The following PDE1A variants were observed in gnomAD, a reference collection of about 807,000 sequenced individuals.
PDE1A encodes dual specificity calcium/calmodulin-dependent 3',5'-cyclic nucleotide phosphodiesterase 1A.
In PDE1A, 35 loss-of-function variants were observed where a neutral mutation model predicts 61.7. The ratio of observed to expected loss-of-function variants is 0.57; its 90% CI spans 0.43 to 0.75. The LOEUF (loss-of-function observed/expected upper bound fraction) is 0.75. PDE1A is among the 30% of genes least tolerant of loss of function. The pLI is 0.00. For missense variants in PDE1A, 597 were observed against 630.6 expected (o/e 0.95, Z 0.57); for synonymous variants, 232 against 213.2 (o/e 1.09, Z -0.77).
At chr2:182,375,211 C>T (rs1415408824) in intron 1 of PDE1A, among the ~76,000 whole-genome samples, 1 of 152,144 alleles carries the variant, frequency 6.6e-6, no homozygotes, top group Non-Finnish European at 1.5e-5. Context: ...ATCATGCCTT[C>T]CCAGCAGTAC....
chr2:182,359,231 T>A (rs952205496), intron 1 of PDE1A, among the ~76,000 whole-genome samples: 1 of 152,186 alleles, frequency 6.6e-6, no homozygotes, highest in Non-Finnish European at 1.5e-5. Context: ...TTGAAACTGA[T>A]AATAACCAGA....
chr2:182,164,051 C>T (rs1249348748), downstream of PDE1A, among the ~76,000 whole-genome samples: 3 of 151,920 alleles, frequency 2.0e-5, no homozygotes, highest in East Asian at 3.9e-4. Context: ...GAATGCTTGG[C>T]CTTGGGCCAG....
chr2:182,509,281 T>A (rs1348441178), intron 2 of PDE1A, among the ~76,000 whole-genome samples: 1 of 152,146 alleles, frequency 6.6e-6, no homozygotes, highest in East Asian at 1.9e-4. Flanking sequence ...TAAATTAATT[T>A]AAAAGGTAAT....
chr2:182,716,071 C>T, the PDE1A span: 5 of 152,410 alleles, frequency 3.3e-5, no homozygotes, highest in African/African-American at 7.2e-5. Context: ...GCTGCTTGGC[C>T]AGGGCAGTTC....
rs57707793 is a variant in PDE1A at position 182,498,045 on chromosome 2, C to CAAAAA, written c.101+24226_101+24230dup. ...TGTGCGACAGAGCGAGATTGCGTCT[C>CAAAAA]AAAAAAAAAAAAAAAAAAAAAAAAA... On this transcript the variant is annotated intron_variant, in intron 2 of 14. Transcript: ENST00000410103. Among the ~76,000 whole-genome samples, 70 of 64,314 alleles carry CAAAAA rather than the reference C, an allele frequency of 1.1e-3. 4 individuals carry two copies. The highest frequency in any genetic ancestry group is 4.1e-3 in the African/African-American group (68 of 16,658). 42.2% of individuals were successfully genotyped at this position (64,314 alleles called of 152,430 possible). A position where few individuals can be genotyped will look rare whatever the true frequency, so the allele number is the denominator to read the frequency against.
intron 1 of PDE1A, among the ~76,000 whole-genome samples, chr2:182,367,552 T>C (rs995776456): frequency 6.6e-6 from 1 of 152,044 alleles, no homozygotes; most frequent in Non-Finnish European, 1.5e-5. Flanking sequence ...ACAAAAGAAC[T>C]TCCTTACAAC....
chr2:182,657,595 C>T, the PDE1A span, among the ~76,000 whole-genome samples: 5,542 of 152,206 alleles, frequency 0.036, 124 homozygotes, highest in Non-Finnish European at 0.054. Context: ...AGCTGTAGAG[C>T]TTCTGTGACA....
intron 1 of PDE1A, among the ~76,000 whole-genome samples, chr2:182,293,658 A>T (rs1034210804): frequency 3.9e-5 from 6 of 152,210 alleles, no homozygotes; most frequent in Admixed American, 1.3e-4. Flanking sequence ...AACACAGCCT[A>T]CATGTGATGA....
At chr2:182,662,924 C>T in the PDE1A span, among the ~76,000 whole-genome samples, 2 of 152,206 alleles carry the variant, frequency 1.3e-5, no homozygotes, top group African/African-American at 4.8e-5. Flanking sequence ...ATTTTGCAAA[C>T]TATGCATCTG....
intron 13 of PDE1A, among the ~76,000 whole-genome samples, chr2:182,184,376 T>C (rs1685038131): frequency 1.3e-5 from 2 of 152,022 alleles, no homozygotes; most frequent in African/African-American, 4.8e-5. Flanking sequence ...ACAATACAAT[T>C]TATTTTTGGC....
chr2:182,690,359 G>T, the PDE1A span, among the ~76,000 whole-genome samples: 4 of 152,224 alleles, frequency 2.6e-5, no homozygotes, highest in African/African-American at 9.6e-5. Flanking sequence ...TCCCTGGGAT[G>T]CAAGGCTGGT....
At chr2:182,467,185 A>G (rs1026275256) in intron 2 of PDE1A, among the ~76,000 whole-genome samples, 1 of 151,732 alleles carries the variant, frequency 6.6e-6, no homozygotes, top group African/African-American at 2.4e-5. Flanking sequence ...GGGAGAGAGG[A>G]AAGAAAATTA....
chr2:182,301,870 T>C (rs1695266660), intron 1 of PDE1A, among the ~76,000 whole-genome samples: 1 of 152,136 alleles, frequency 6.6e-6, no homozygotes, highest in South Asian at 2.1e-4. Context: ...AGGACAAACC[T>C]ACACCTACAG....
At position 182,508,746 on chromosome 2, in the gene PDE1A, T is replaced by A. The variant is rs993393509; in HGVS notation, c.101+13530A>T. The stretch of plus-strand genomic sequence containing the variant: ...TAAATTTCTTTTTTTTTTTATTTTT[T>A]TTTTATTTTTATTTTTTAAAGCTTG... On this transcript the variant is annotated intron_variant, in intron 2 of 14. Transcript: ENST00000410103. Among the ~76,000 whole-genome samples, 18 of 150,350 alleles carry A rather than the reference T, an allele frequency of 1.2e-4. No homozygotes were observed. The South Asian group carries it at 3.7e-3, about 31-fold the overall frequency.
intron 1 of PDE1A, among the ~76,000 whole-genome samples, chr2:182,326,714 T>C (rs780273250): frequency 2.0e-5 from 3 of 152,344 alleles, no homozygotes; most frequent in Non-Finnish European, 2.9e-5. Flanking sequence ...GTAAATTTTA[T>C]GTTATTTTAT....
intron 1 of PDE1A, among the ~76,000 whole-genome samples, chr2:182,319,369 T>C (rs553219738): frequency 6.6e-6 from 1 of 152,280 alleles, no homozygotes; most frequent in South Asian, 2.1e-4. Context: ...AAAATCTAAA[T>C]CCCTGTTTAA....
chr2:182,466,194 G>T (rs1398117886), intron 2 of PDE1A, among the ~76,000 whole-genome samples: 1 of 151,852 alleles, frequency 6.6e-6, no homozygotes, highest in Non-Finnish European at 1.5e-5. Flanking sequence ...CTTTACTCTT[G>T]TACTTACCAC....
chr2:182,198,411 G>C (rs752339375), intron 10 of PDE1A, among the ~76,000 whole-genome samples: 5 of 151,688 alleles, frequency 3.3e-5, no homozygotes, highest in Non-Finnish European at 7.4e-5. Context: ...GAATAGAAGT[G>C]GTAAGAGTAC....
intron 1 of PDE1A, among the ~76,000 whole-genome samples, chr2:182,345,526 G>T (rs572855340): frequency 1.3e-5 from 2 of 151,914 alleles, no homozygotes; most frequent in Non-Finnish European, 2.9e-5. Context: ...TTGCTAATAC[G>T]ACTTAAGAGA....
Sources: gnomAD v4.1 joint callset for allele counts (sites outside exome capture counted in the v4.1 genomes callset) on GRCh38, gnomAD v4.1.1 for gene constraint, MANE v1.5 for transcripts, NCBI Gene and HGNC (gene_info 2026-07-23, HGNC 2026-07-21) for gene names.